The following APAF1 variants were observed in gnomAD, a reference collection of about 807,000 sequenced individuals.
APAF1 encodes apoptotic peptidase activating factor 1, also known as apoptotic protease-activating factor 1.
APAF1 carries 91 observed loss-of-function variants against 152.4 expected under a neutral mutation model. The observed-to-expected ratio is 0.60, with a 90% confidence interval of 0.50 to 0.71. APAF1 has a LOEUF of 0.71. APAF1 is among the 30% of genes least tolerant of loss of function. APAF1 has a pLI of 0.00. For synonymous variants in APAF1, 484 were observed against 494.1 expected, an observed-to-expected ratio of 0.98 and a Z score of 0.27; for missense variants, 1,283 against 1,472.0, an observed-to-expected ratio of 0.87 and a Z score of 2.10.
intron 13 of APAF1, among the ~76,000 whole-genome samples, chr12:98,678,704 C>T (rs1361171792): frequency 2.0e-5 from 3 of 152,230 alleles, no homozygotes; most frequent in Non-Finnish European, 4.4e-5. Flanking sequence ...AGTGCCTGCT[C>T]CCGCTGCCTG....
chr12:98,673,512 C>G (rs2097683097), intron 12 of APAF1, among the ~76,000 whole-genome samples: 1 of 150,382 alleles, frequency 6.6e-6, no homozygotes, highest in Non-Finnish European at 1.5e-5. Context: ...TTCCATATGT[C>G]ATGCTTCCCT....
chr12:98,706,362 G>A, intron 18 of APAF1, 123 bp from the exon 19 acceptor site: 1 of 943,608 alleles, frequency 1.1e-6, no homozygotes, highest in Non-Finnish European at 1.7e-6. Context: ...AGTTTTGATA[G>A]TGTGTTTCTG....
chr12:98,732,325 G>C lies in APAF1; in HGVS notation c.3601-95G>C, dbSNP rs535169837. On this transcript the variant is annotated intron_variant, in intron 26 of 26. Transcript: ENST00000551964. ...TCCTCCTGTTTGCTTGAGTTCGGTT[G>C]GGGGGAGGAGATAGGGTAAAGGATC... is the stretch of plus-strand genomic sequence containing the variant. 14 of 1,100,828 alleles carry C rather than the reference G, an allele frequency of 1.3e-5. No homozygotes were observed. The East Asian group carries it at 1.7e-4, about 13-fold the overall frequency. The allele number at this position is 1,100,828 out of a possible 1,614,324, so 68.2% of individuals were successfully genotyped here.
At chr12:98,692,951 T>C (rs933263513) in intron 16 of APAF1, among the ~76,000 whole-genome samples, 1 of 152,188 alleles carries the variant, frequency 6.6e-6, no homozygotes, top group African/African-American at 2.4e-5. Flanking sequence ...TTTAAGTTAT[T>C]TGAGAAATCT....
intron 1 of APAF1, among the ~76,000 whole-genome samples, chr12:98,647,984 C>T (rs1307579970): frequency 6.6e-6 from 1 of 152,004 alleles, no homozygotes; most frequent in Non-Finnish European, 1.5e-5. Flanking sequence ...CTCATTAATT[C>T]TCCTTGTGGA....
intron 10 of APAF1, 33 bp downstream of exon 10, chr12:98,667,677 G>T: frequency 6.2e-7 from 1 of 1,606,000 alleles, no homozygotes; most frequent in South Asian, 1.1e-5. Context: ...TCTTTTATCT[G>T]ACTTCCCTTT....
At chr12:98,677,007 G>A (rs906429552) in intron 12 of APAF1, among the ~76,000 whole-genome samples, 1 of 152,112 alleles carries the variant, frequency 6.6e-6, no homozygotes, top group Non-Finnish European at 1.5e-5. Context: ...TAGGAAATGA[G>A]CATTTTGCTA....
intron 12 of APAF1, among the ~76,000 whole-genome samples, chr12:98,675,451 C>T (rs1042229989): frequency 6.6e-5 from 10 of 152,246 alleles, no homozygotes; most frequent in South Asian, 4.1e-4. Flanking sequence ...ATTATACAGT[C>T]GACCCTCCAT....
At chr12:98,700,149 A>G (rs1258270650) in intron 17 of APAF1, among the ~76,000 whole-genome samples, 1 of 152,196 alleles carries the variant, frequency 6.6e-6, no homozygotes, top group African/African-American at 2.4e-5. Context: ...TATTTGTGGT[A>G]TTCAGAGTGC....
chr12:98,721,588 T>C (rs1438043827), intron 22 of APAF1, among the ~76,000 whole-genome samples: 1 of 152,224 alleles, frequency 6.6e-6, no homozygotes, highest in African/African-American at 2.4e-5. Context: ...TCCCCCAGCA[T>C]ATCTCATTGG....
chr12:98,646,987 T>C (rs2097641635), intron 1 of APAF1, among the ~76,000 whole-genome samples: 1 of 151,614 alleles, frequency 6.6e-6, no homozygotes, highest in Non-Finnish European at 1.5e-5. Context: ...CAATGCTCTA[T>C]TCACTCTTAT....
At chr12:98,699,639 T>G in intron 17 of APAF1, 70 bp downstream of exon 17, 1 of 1,543,924 alleles carries the variant, frequency 6.5e-7, no homozygotes, top group Non-Finnish European at 8.9e-7. Context: ...TTTTTGCATT[T>G]TACAATGTTT....
At chr12:98,657,737 C>CT (rs1385359814) in intron 4 of APAF1, among the ~76,000 whole-genome samples, 2 of 152,290 alleles carry the variant, frequency 1.3e-5, no homozygotes, top group East Asian at 3.9e-4. Context: ...AACATTGATA[C>CT]TTTAAGTTTG....
At chr12:98,692,722 A>T (rs2097705653) in intron 16 of APAF1, among the ~76,000 whole-genome samples, 1 of 152,182 alleles carries the variant, frequency 6.6e-6, no homozygotes, top group African/African-American at 2.4e-5. Context: ...AAAGGACATG[A>T]TTTTATTCTT....
chr12:98,650,210 T>C (rs1045644016), intron 4 of APAF1, among the ~76,000 whole-genome samples: 1 of 152,066 alleles, frequency 6.6e-6, no homozygotes, highest in African/African-American at 2.4e-5. Flanking sequence ...ATTTTTTTTT[T>C]AGTAGGCCAG....
intron 1 of APAF1, among the ~76,000 whole-genome samples, chr12:98,647,980 A>G (rs1005267481): frequency 1.3e-5 from 2 of 151,998 alleles, no homozygotes; most frequent in Non-Finnish European, 2.9e-5. Context: ...GAAACTCATT[A>G]ATTCTCCTTG....
At position 98,680,396 on chromosome 12, in the gene APAF1, A is replaced by C. The variant is rs988423435; in HGVS notation, c.2040A>C (p.Lys680Asn). ...TAGCAACCTGCTCAGTGGATAAAAA[A>C]GTGAAGGTAGGAAAATCTTTTCCTC... ...RFIATCSVDK[K>N]VKIWNSMTGE... is the part of the protein sequence containing the mutation. The change falls in exon 14 of 27, where the codon AAA becomes AAC. Residue 680 changes from lysine (K) to asparagine (N), a missense_variant. Coordinates refer to ENST00000551964, the MANE Select transcript of APAF1 (RefSeq NM_181861.2). The C allele has an allele frequency of 3.1e-6, 5 of 1,613,246 alleles. No individual in the cohort carries two copies. The highest frequency in any genetic ancestry group is 3.3e-5 in the Admixed American group (2 of 60,020).
At chr12:98,684,767 C>T (rs955975468) in intron 15 of APAF1, among the ~76,000 whole-genome samples, 3 of 151,866 alleles carry the variant, frequency 2.0e-5, no homozygotes, top group Admixed American at 6.6e-5. Context: ...ATACTATTTA[C>T]GACTAATTTT....
rs914781090 is a variant in APAF1 at position 98,732,435 on chromosome 12, A to C, written c.3616A>C (p.Thr1206Pro). The change falls in exon 27 of 27, where the codon ACT becomes CCT. Residue 1206 changes from threonine (T) to proline (P), a missense_variant. Thr to Pro is a conservative substitution (Grantham distance 38). Coordinates refer to ENST00000551964, the MANE Select transcript of APAF1 (RefSeq NM_181861.2). ...GGYIKWWNVV[T>P]GESSQTFYTN... ...CTCTGAACAGTGGTGGAACGTTGTC[A>C]CTGGGGAATCCTCACAGACCTTCTA... 1.9e-6 allele frequency: 3 copies of C among 1,613,656 alleles called. No individual in the cohort carries two copies. The highest frequency in any genetic ancestry group is 2.7e-5 in the African/African-American group (2 of 75,038).
Sources: gnomAD v4.1 joint callset for allele counts (sites outside exome capture counted in the v4.1 genomes callset) on GRCh38, gnomAD v4.1.1 for gene constraint, MANE v1.5 for transcripts, NCBI Gene and HGNC (gene_info 2026-07-23, HGNC 2026-07-21) for gene names.